The following MTOR variants were observed in gnomAD, a reference collection of about 807,000 sequenced individuals.
The protein encoded by MTOR is serine/threonine-protein kinase mTOR.
Under a neutral mutation model 319.8 loss-of-function variants are expected in MTOR, and 70 were observed. The observed-to-expected ratio is 0.22, with a 90% CI of 0.18 to 0.27. The LOEUF (loss-of-function observed/expected upper bound fraction) is 0.27. MTOR is among the 10% of genes least tolerant of loss of function. The pLI, the probability that MTOR is intolerant of heterozygous loss-of-function variation, is 1.00. For synonymous variants in MTOR, 1,183 were observed against 1,211.4 expected (o/e 0.98, Z 0.49); for missense variants, 1,890 against 3,274.4 (o/e 0.58, Z 10.32).
chr1:11,150,396 T>C (rs1467331999), intron 30 of MTOR, among the ~76,000 whole-genome samples, 170 bp from the exon 31 acceptor site: 2 of 152,230 alleles, frequency 1.3e-5, no homozygotes, highest in African/African-American at 4.8e-5. Flanking sequence ...ATTTGTTGTT[T>C]CTATGACCCG....
At chr1:11,242,094 C>A (rs578053966) in intron 9 of MTOR, among the ~76,000 whole-genome samples, 1 of 151,912 alleles carries the variant, frequency 6.6e-6, no homozygotes, top group South Asian at 2.1e-4. Context: ...CCAGGCGCAG[C>A]GACTCACGCC....
At chr1:11,187,842 T>C (rs757503794) in intron 28 of MTOR, among the ~76,000 whole-genome samples, 1 of 152,210 alleles carries the variant, frequency 6.6e-6, no homozygotes, top group Non-Finnish European at 1.5e-5. Flanking sequence ...GTGCCAATTC[T>C]CAACAGAATC....
intron 19 of MTOR, among the ~76,000 whole-genome samples, chr1:11,219,299 A>G (rs1646581135): frequency 6.6e-6 from 1 of 152,160 alleles, no homozygotes; most frequent in Non-Finnish European, 1.5e-5. Flanking sequence ...GTTAAAAAAA[A>G]AAAATCTGTC....
chr1:11,164,482 C>G (rs1196080690), intron 29 of MTOR, among the ~76,000 whole-genome samples: 2 of 151,874 alleles, frequency 1.3e-5, no homozygotes, highest in Non-Finnish European at 2.9e-5. Context: ...CACAAATAAA[C>G]TAGAAAATCT....
Position 11,243,151 on chromosome 1 carries a change from T to C in MTOR, c.1375A>G (p.Ile459Val), listed in dbSNP as rs1648315624. Reference protein sequence around the residue: ...KVYLPRVLDIIRAALPPKDFA... With the variant: ...KVYLPRVLDIVRAALPPKDFA... ...TCCTTTGGGGGCAGGGCCGCTCGGA[T>C]GATGTCCAGCACGCGAGGCAAATAG... Residue 459 changes from isoleucine to valine, a missense_variant, in exon 9 of 58, where the codon ATC becomes GTC. Ile to Val is a conservative substitution (Grantham distance 29). Transcript: ENST00000361445. 1.2e-6 allele frequency: 2 copies of C among 1,614,112 alleles called. No individual in the cohort carries two copies. The highest frequency in any genetic ancestry group is 1.7e-6 in the Non-Finnish European group (2 of 1,180,032).
In MTOR at chr1:11,257,056, G is replaced by A. The variant is rs2100978552; in HGVS notation, c.381C>T (p.Ser127=). 1 of 1,614,150 alleles carries A rather than the reference G, an allele frequency of 6.2e-7. No individual in the cohort carries two copies. The highest frequency in any genetic ancestry group is 8.5e-7 in the Non-Finnish European group (1 of 1,180,022). ...CCATGGCAAGACGGCCAATGGCCTTGGATGCCATTTCCATGACAACTGGGT... is the reference window on the plus strand; with the variant it reads ...CCATGGCAAGACGGCCAATGGCCTTAGATGCCATTTCCATGACAACTGGGT... The part of the protein sequence containing the change: ...SNDPVVMEMA[S]KAIGRLAMAG... Residue 127 remains serine, a synonymous_variant, in exon 4 of 58, where the codon TCC becomes TCT. Coordinates refer to ENST00000361445, the MANE Select transcript of MTOR (RefSeq NM_004958.4).
intron 31 of MTOR, among the ~76,000 whole-genome samples, chr1:11,149,746 T>C (rs1422060803): frequency 1.3e-5 from 2 of 152,086 alleles, no homozygotes; most frequent in Non-Finnish European, 1.5e-5. Context: ...TCCAAGTAGA[T>C]AGGGTCAGAA....
intron 8 of MTOR, among the ~76,000 whole-genome samples, chr1:11,247,079 T>C (rs995224696): frequency 1.3e-5 from 2 of 152,208 alleles, no homozygotes; most frequent in Non-Finnish European, 2.9e-5. Flanking sequence ...GTGGGGTTCA[T>C]CTCAGGTCTG....
chr1:11,159,992 G>A (rs1018249158), intron 29 of MTOR, among the ~76,000 whole-genome samples: 1 of 152,112 alleles, frequency 6.6e-6, no homozygotes, highest in Non-Finnish European at 1.5e-5. Flanking sequence ...TTAAATATTG[G>A]TAGGCCAAAG....
chr1:11,119,573 G>GAA lies in MTOR; in HGVS notation c.6933+1671_6933+1672dup, dbSNP rs555425607. On this transcript the variant is annotated intron_variant, in intron 49 of 57. Transcript: ENST00000361445. Reference sequence around the variant, plus strand: ...GTGACAGACTGAGATTCCGTCTCGAGAAAAAAAAAAAAAAAAAAAAAAAAA... The same window carrying GAA: ...GTGACAGACTGAGATTCCGTCTCGAGAAAAAAAAAAAAAAAAAAAAAAAAAAA... Among the ~76,000 whole-genome samples, 67 of 24,872 alleles carry GAA rather than the reference G, an allele frequency of 2.7e-3. 15 individuals carry two copies. The highest frequency in any genetic ancestry group is 0.011 in the African/African-American group (56 of 4,936). The allele number at this position is 24,872 out of a possible 152,430, so 16.3% of individuals were successfully genotyped here.
At chr1:11,220,035 AAAAAAAAAAAG>A (rs1283910906) in intron 19 of MTOR, among the ~76,000 whole-genome samples, 11 of 61,874 alleles carry the variant, frequency 1.8e-4, no homozygotes. Context: ...TGATCTCAAA[AAAAAAAAAAAG>A]AAAAGAAAAG....
chr1:11,130,982 G>A lies in MTOR; in HGVS notation c.5365-205C>T. ...CTTTGTGGAGCACTAACTATATAAC[G>A]TACTATGAGTGCACTGCGAGAAGGG... On this transcript the variant is annotated intron_variant, in intron 38 of 57. Transcript: ENST00000361445. 1.5e-5 allele frequency: 10 copies of A among 646,758 alleles called. No homozygotes were observed. In the South Asian group the frequency reaches 1.8e-4, roughly 11 times the overall value. The allele number at this position is 646,758 out of a possible 1,614,324, so 40.1% of individuals were successfully genotyped here. A position where few individuals can be genotyped will look rare whatever the true frequency, so the allele number is the denominator to read the frequency against.
At chr1:11,213,134 T>C (rs959558668) in intron 21 of MTOR, among the ~76,000 whole-genome samples, 2 of 152,228 alleles carry the variant, frequency 1.3e-5, no homozygotes, top group Non-Finnish European at 2.9e-5. Context: ...AAGGAATCCG[T>C]TGCTGGAAAA....
intron 53 of MTOR, among the ~76,000 whole-genome samples, chr1:11,113,840 C>T (rs1034762183): frequency 6.6e-6 from 1 of 152,104 alleles, no homozygotes; most frequent in Non-Finnish European, 1.5e-5. Flanking sequence ...GAATTGTAAT[C>T]CCCATGTGTT....
rs1387927762 is a variant in MTOR, at chr1:11,252,428, C to T, written c.840+1411G>A. Among the ~76,000 whole-genome samples, 4 of 152,102 alleles carry T rather than the reference C, an allele frequency of 2.6e-5. No individual in the cohort carries two copies. The East Asian group carries it at 7.7e-4, about 29-fold the overall frequency. On this transcript the variant is annotated intron_variant, in intron 6 of 57. Transcript: ENST00000361445. ...CTGAAATTGCAGGTGTGGGCCACTGCACCCAGCCCTGGGTATTTGTGAACC... is the reference window on the plus strand; with the variant it reads ...CTGAAATTGCAGGTGTGGGCCACTGTACCCAGCCCTGGGTATTTGTGAACC...
At chr1:11,177,211 C>T (rs1002672562) in intron 28 of MTOR, among the ~76,000 whole-genome samples, 19 of 151,888 alleles carry the variant, frequency 1.3e-4, no homozygotes, top group African/African-American at 4.6e-4. Flanking sequence ...CCTAAGGCAC[C>T]AAGATAAAAA....
Position 11,133,309 on chromosome 1 carries a change from T to A in MTOR, c.5247-112A>T. ...GCCCTTCTGGTATTTCCTCTTATTC[T>A]CAAGAGGCAATGTGAAGGAGCTAGC... On this transcript the variant is annotated intron_variant, in intron 37 of 57. Coordinates refer to ENST00000361445, the MANE Select transcript of MTOR (RefSeq NM_004958.4). The surrounding 1 kb of genome is among the most constrained non-coding windows in gnomAD (Gnocchi z 4.0). 1.0e-6 allele frequency: 1 copy of A among 954,710 alleles called. No individual in the cohort carries two copies. Among genetic ancestry groups the A allele is most frequent in the South Asian group, 1.5e-5 (1 of 67,034 alleles). 59.1% of individuals were successfully genotyped at this position (954,710 alleles called of 1,614,324 possible). A position where few individuals can be genotyped will look rare whatever the true frequency, so the allele number is the denominator to read the frequency against.
intron 29 of MTOR, among the ~76,000 whole-genome samples, chr1:11,160,113 A>ATTTATTTAT (rs1434878220): frequency 5.9e-5 from 1 of 16,998 alleles, no homozygotes; most frequent in African/African-American, 1.7e-4. Context: ...TATTTATTTA[A>ATTTATTTAT]TTTTGAGGCA....
chr1:11,161,106 G>T (rs919951802), intron 29 of MTOR, among the ~76,000 whole-genome samples: 1 of 152,318 alleles, frequency 6.6e-6, no homozygotes, highest in Admixed American at 6.5e-5. Flanking sequence ...CTTTTCCAAC[G>T]GTCTTAGCAA....
Sources: gnomAD v4.1 joint callset for allele counts (sites outside exome capture counted in the v4.1 genomes callset) on GRCh38, gnomAD v4.1.1 for gene constraint, Gnocchi (gnomAD v3.1) non-coding constraint, MANE v1.5 for transcripts, NCBI Gene and HGNC (gene_info 2026-07-23, HGNC 2026-07-21) for gene names.